The following NBPF14 variants were observed in gnomAD, a reference collection of about 807,000 sequenced individuals.
The protein encoded by NBPF14 is NBPF member 14, also known as NBPF family member NBPF14.
Under a neutral mutation model 91.2 loss-of-function variants are expected in NBPF14, and 104 were observed. The observed-to-expected ratio is 1.14, with a 90% CI of 0.97 to 1.34. NBPF14 has a LOEUF of 1.34. NBPF14 is among the 40% of genes most tolerant of loss of function. The pLI is 0.00. For synonymous variants in NBPF14, 294 were observed against 303.8 expected (o/e 0.97, Z 0.34); for missense variants, 908 against 783.0 (o/e 1.16, Z -1.91).
At position 148,561,818 on chromosome 1, in the gene NBPF14, C is replaced by CAGAG. The variant is rs1192573908; in HGVS notation, c.4275-243_4275-240dup. ...ACACACACAAACACACACACACACA[C>CAGAG]AGAGAGAGAGAGAGAGAGAGAGAGA... On this transcript the variant is annotated intron_variant, in intron 34 of 70. Transcript: ENST00000619423. Among the ~76,000 whole-genome samples the CAGAG allele has an allele frequency of 2.4e-3, 307 of 128,456 alleles. 7 individuals are homozygous for CAGAG. The highest frequency in any genetic ancestry group is 6.3e-3 in the East Asian group (28 of 4,460). The allele number at this position is 128,456 out of a possible 152,430, so 84.3% of individuals were successfully genotyped here.
rs1216143792 is a variant in NBPF14, at chr1:148,559,824, C to G, written c.4698G>C (p.Gln1566His). The G allele has an allele frequency of 3.1e-5, 47 of 1,528,054 alleles. 5 individuals are homozygous for G. Among genetic ancestry groups the G allele is most frequent in the African/African-American group, 2.8e-4 (14 of 50,408 alleles). The allele number at this position is 1,528,054 out of a possible 1,614,324, so 94.7% of individuals were successfully genotyped here. ...TGTCAACAGCCAAGCCAACACGCTG[C>G]TGCTCCAATATGTAAAAGGCACTTC... is the stretch of plus-strand genomic sequence containing the variant. Residue 1566 changes from glutamine to histidine, a missense_variant, in exon 37 of 71, where the codon CAG (glutamine) becomes CAC (histidine). By Grantham distance (24) the Gln-to-His change is conservative. Transcript: ENST00000619423.
chr1:148,593,803 C>G (rs1200368780), intron 2 of NBPF14, 103 bp from the exon 3 acceptor site: 1 of 1,050,294 alleles, frequency 9.5e-7, no homozygotes, highest in East Asian at 2.4e-5. Flanking sequence ...ACAAAACTCT[C>G]CCCAGTACCA....
chr1:148,534,798 T>C (rs1289405667), exon 69 of NBPF14: 5 of 933,050 alleles, frequency 5.4e-6, no homozygotes, highest in Non-Finnish European at 8.8e-6. Flanking sequence ...GAATAACATC[T>C]ATCCAGTGAG....
In NBPF14 at chr1:148,560,618, C is replaced by A; in HGVS notation, c.4522G>T (p.Glu1508Ter). 1 of 193,804 alleles carries A rather than the reference C, an allele frequency of 5.2e-6. No individual in the cohort carries two copies. The highest frequency in any genetic ancestry group is 3.3e-5 in the South Asian group (1 of 29,886). 12.0% of individuals were successfully genotyped at this position (193,804 alleles called of 1,614,324 possible). Residue 1508 changes from glutamate to a stop codon, truncating the protein, a stop_gained, in exon 36 of 71, where the codon GAA becomes TAA. Coordinates refer to ENST00000619423, the Ensembl canonical transcript of NBPF14. LOFTEE classifies it high-confidence loss of function. ...GGTGGGTTTTGATCTTCTTCCCCTT[C>A]TTTTCTTCCCCTTCTTCTTTCCTTC...
intron 9 of NBPF14, among the ~76,000 whole-genome samples, chr1:148,585,899 A>C (rs1185522962): frequency 6.7e-6 from 1 of 149,522 alleles, no homozygotes; most frequent in Admixed American, 6.6e-5. Flanking sequence ...ACAGTTACTA[A>C]GAACATTGCC....
In NBPF14 at chr1:148,577,375, T is replaced by G. The variant is rs1366886601; in HGVS notation, c.1854-20A>C. The G allele has an allele frequency of 1.6e-6, 1 of 625,364 alleles. No homozygotes were observed. The highest frequency in any genetic ancestry group is 2.8e-5 in the East Asian group (1 of 35,686). The allele number at this position is 625,364 out of a possible 1,614,324, so 38.7% of individuals were successfully genotyped here. Reference sequence around the variant, plus strand: ...CTGAGCCTGGAAAAGTGGGAAAAAGTAAAGAATAAGCCAGGGGGAATCAGA... The same window carrying G: ...CTGAGCCTGGAAAAGTGGGAAAAAGGAAAGAATAAGCCAGGGGGAATCAGA... On this transcript the variant is annotated intron_variant, in intron 14 of 70. Transcript: ENST00000619423.
At chr1:148,555,480 G>GAC (rs2149493010) in intron 42 of NBPF14, among the ~76,000 whole-genome samples, 5 of 87,634 alleles carry the variant, frequency 5.7e-5, no homozygotes, top group South Asian at 4.0e-4. Context: ...CAGAGACAGA[G>GAC]AGAAAGTGAC....
At chr1:148,578,965 C>A in intron 13 of NBPF14, 109 bp downstream of exon 13, 1 of 665,422 alleles carries the variant, frequency 1.5e-6, no homozygotes, top group Non-Finnish European at 2.7e-6. Flanking sequence ...TAGGTTCAGC[C>A]CACGGTGATG....
At position 148,566,533 on chromosome 1, in the gene NBPF14, A is replaced by C. The variant is rs1658386497; in HGVS notation, c.3543-218T>G. ...GACACACACACACACACACACACAC[A>C]CACACACAAACACACACACACACAC... On this transcript the variant is annotated intron_variant, in intron 28 of 70. Transcript: ENST00000619423. Among the ~76,000 whole-genome samples the C allele has an allele frequency of 1.6e-5, 2 of 122,804 alleles. 1 individual carries two copies. The highest frequency in any genetic ancestry group is 3.8e-5 in the Non-Finnish European group (2 of 51,956). The allele number at this position is 122,804 out of a possible 152,430, so 80.6% of individuals were successfully genotyped here.
rs1659585663 is a variant in NBPF14, at chr1:148,575,820, G to T, written c.2079-9C>A. On this transcript the variant is annotated splice_polypyrimidine_tract_variant and intron_variant, in intron 16 of 70. Transcript: ENST00000619423. Reference sequence around the variant, plus strand: ...GCAGCTCCCTGCTGAGCCTGGAAAAGTAGGAAAAAGTAAAGAATAAGCCAG... The same window carrying T: ...GCAGCTCCCTGCTGAGCCTGGAAAATTAGGAAAAAGTAAAGAATAAGCCAG... 5 of 315,108 alleles carry T rather than the reference G, an allele frequency of 1.6e-5. No homozygotes were observed. Among genetic ancestry groups the T allele is most frequent in the Non-Finnish European group, 2.2e-5 (4 of 183,684 alleles). 19.5% of individuals were successfully genotyped at this position (315,108 alleles called of 1,614,324 possible).
intron 70 of NBPF14, among the ~76,000 whole-genome samples, chr1:148,533,593 G>A: frequency 6.8e-6 from 1 of 146,114 alleles, no homozygotes; most frequent in Non-Finnish European, 1.5e-5. Flanking sequence ...GAGCTCAATA[G>A]TTTTCCATAA....
At chr1:148,577,543 GACAC>G (rs1184575767) in intron 14 of NBPF14, among the ~76,000 whole-genome samples, 188 bp from the exon 15 acceptor site, 5,034 of 140,898 alleles carry the variant, frequency 0.036, 173 homozygotes, top group East Asian at 0.086. Flanking sequence ...GAACGAGAAA[GACAC>G]ACACACACAC....
At chr1:148,577,393 G>T (rs1660021470) in intron 14 of NBPF14, 38 bp from the exon 15 acceptor site, 5 of 647,190 alleles carry the variant, frequency 7.7e-6, no homozygotes, top group Admixed American at 4.4e-5. Context: ...AAGCCAGGGG[G>T]AATCAGAAAC....
At chr1:148,557,625 G>T (rs1477928089) in intron 39 of NBPF14, 83 bp from the exon 40 acceptor site, 2 of 576,612 alleles carry the variant, frequency 3.5e-6, no homozygotes, top group Admixed American at 2.8e-5. Context: ...CCCCACACAG[G>T]GATCTCAGGC....
At chr1:148,585,012 T>A (rs1661280025) in intron 10 of NBPF14, 129 bp downstream of exon 10, 1 of 832,740 alleles carries the variant, frequency 1.2e-6, no homozygotes, top group African/African-American at 1.7e-5. Flanking sequence ...CTAAGCTGGA[T>A]TATATTTCAC....
chr1:148,578,947 T>C (rs1433116064), intron 13 of NBPF14, 127 bp downstream of exon 13: 11 of 683,938 alleles, frequency 1.6e-5, no homozygotes, highest in Admixed American at 4.1e-5. Flanking sequence ...GAAATCTACA[T>C]TGATATATAG....
intron 40 of NBPF14, among the ~76,000 whole-genome samples, chr1:148,557,120 T>A (rs1656734254): frequency 8.1e-6 from 1 of 124,132 alleles, no homozygotes; most frequent in Non-Finnish European, 1.6e-5. Context: ...CAGTGAATTG[T>A]CCAGGTGACA....
chr1:148,533,748 G>A lies in NBPF14; in HGVS notation c.8723+113C>T, dbSNP rs1445603145. The stretch of plus-strand genomic sequence containing the variant: ...ATGAAAACCAACAGCAATGACAGTA[G>A]GAGTAATTCAGCCTTTGTTGAAAAT... On this transcript the variant is annotated intron_variant, in intron 70 of 70. Coordinates refer to ENST00000619423, the Ensembl canonical transcript of NBPF14. 1.5e-5 allele frequency: 11 copies of A among 758,062 alleles called. No individual in the cohort carries two copies. In the East Asian group the frequency reaches 2.2e-4, roughly 15 times the overall value. The allele number at this position is 758,062 out of a possible 1,614,324, so 47.0% of individuals were successfully genotyped here. A position where few individuals can be genotyped will look rare whatever the true frequency, so the allele number is the denominator to read the frequency against.
exon 63 of NBPF14, chr1:148,539,499 T>A: frequency 3.3e-6 from 1 of 306,542 alleles, no homozygotes; most frequent in Middle Eastern, 8.5e-4. Context: ...CAGTTCAAGA[T>A]AACCTGAAGG....
Sources: allele counts gnomAD v4.1 joint callset (sites outside exome capture counted in the v4.1 genomes callset), GRCh38; gene constraint gnomAD v4.1.1; transcripts MANE v1.5; gene names NCBI Gene and HGNC (gene_info 2026-07-23, HGNC 2026-07-21).